KALRN: variants seen among roughly 807,000 people sequenced by gnomAD.
KALRN encodes kalirin.
A neutral mutation model predicts 353.7 loss-of-function variants in KALRN; 70 were observed. The observed-to-expected ratio is 0.20, with a 90% CI of 0.16 to 0.24. The LOEUF (loss-of-function observed/expected upper bound fraction) is 0.24. Ranked by LOEUF, KALRN falls within the 10% of genes least tolerant of loss-of-function variation. The pLI, the probability that KALRN is intolerant of heterozygous loss-of-function variation, is 1.00. For synonymous variants in KALRN, 1,391 were observed against 1,434.8 expected (o/e 0.97, Z 0.69); for missense variants, 2,791 against 3,756.7 (o/e 0.74, Z 6.72).
chr3:124,229,269 G>A (rs993539294), intron 2 of KALRN, among the ~76,000 whole-genome samples: 12 of 152,184 alleles, frequency 7.9e-5, no homozygotes, highest in Admixed American at 7.2e-4. Flanking sequence ...GCCAAAGACT[G>A]GCCAGAGCCC....
intron 33 of KALRN, among the ~76,000 whole-genome samples, chr3:124,531,738 T>A (rs1346098276): frequency 6.6e-6 from 1 of 152,192 alleles, no homozygotes; most frequent in East Asian, 1.9e-4. Context: ...AAGCCATTCA[T>A]GAGAAACACC....
intron 1 of KALRN, among the ~76,000 whole-genome samples, chr3:124,151,085 G>A (rs2068046560): frequency 1.3e-5 from 2 of 152,110 alleles, no homozygotes; most frequent in Non-Finnish European, 2.9e-5. Flanking sequence ...CCATCTTACT[G>A]TACAAGGTAT....
chr3:124,645,722 G>T (rs615408), intron 37 of KALRN, among the ~76,000 whole-genome samples: 35,492 of 151,260 alleles, frequency 0.23, 4,470 homozygotes, highest in East Asian at 0.47. Context: ...AACACTTAGG[G>T]GTTTCCATAG....
At chr3:124,136,983 T>G (rs984005140) in intron 1 of KALRN, among the ~76,000 whole-genome samples, 11 of 152,136 alleles carry the variant, frequency 7.2e-5, no homozygotes, top group African/African-American at 2.4e-4. Flanking sequence ...ACAGGGTTGA[T>G]GGGGCAGAGC....
At chr3:124,476,960 T>C (rs1024099167) in intron 26 of KALRN, among the ~76,000 whole-genome samples, 1 of 152,262 alleles carries the variant, frequency 6.6e-6, no homozygotes, top group Non-Finnish European at 1.5e-5. Flanking sequence ...AACTTCAGAA[T>C]ATATCAGGAT....
At chr3:124,284,766 A>G (rs145817923) in intron 5 of KALRN, among the ~76,000 whole-genome samples, 8 of 152,356 alleles carry the variant, frequency 5.3e-5, no homozygotes, top group Admixed American at 1.3e-4. Context: ...TTCAAGAAAC[A>G]GAAGACAGTA....
In KALRN at chr3:124,238,188, C is replaced by T. The variant is rs2080020481; in HGVS notation, c.263+3245C>T. On this transcript the variant is annotated intron_variant, in intron 3 of 59. Coordinates refer to ENST00000682506, the MANE Select transcript of KALRN (RefSeq NM_001388419.1). ...TTAAGGCACCCACAATCCATGTCTC[C>T]ACAGTTGAAGGAATGAGGGATGTTT... 1.3e-5 allele frequency among the ~76,000 whole-genome samples: 2 copies of T among 151,986 alleles called. 1 individual carries two copies. Among genetic ancestry groups the T allele is most frequent in the South Asian group, 4.2e-4 (2 of 4,812 alleles).
At chr3:124,503,722 C>G (rs555582926) in intron 33 of KALRN, among the ~76,000 whole-genome samples, 33 of 152,258 alleles carry the variant, frequency 2.2e-4, no homozygotes, top group African/African-American at 7.9e-4. Flanking sequence ...GTGGGCTTTT[C>G]AGAACAAGTT....
intron 3 of KALRN, among the ~76,000 whole-genome samples, chr3:124,251,668 T>A (rs777519497): frequency 5.3e-5 from 8 of 152,170 alleles, no homozygotes; most frequent in Non-Finnish European, 1.2e-4. Context: ...ACTGTCTTTG[T>A]TCTTTTTGAG....
rs1260677774 is a variant in KALRN, at chr3:124,227,978, G to A, written c.74-12G>A. On this transcript the variant is annotated splice_polypyrimidine_tract_variant and intron_variant, in intron 1 of 59. Transcript: ENST00000682506. ...CTCTCACCCTGATTCCTTCTGGTTT[G>A]TTGTCCCACAGGGTCTTTTCGGAAT... is the stretch of plus-strand genomic sequence containing the variant. The A allele has an allele frequency of 6.8e-6, 11 of 1,612,286 alleles. No homozygotes were observed. Among genetic ancestry groups the A allele is most frequent in the Non-Finnish European group, 9.3e-6 (11 of 1,178,458 alleles).
intron 34 of KALRN, among the ~76,000 whole-genome samples, chr3:124,590,039 T>C (rs530067168): frequency 3.9e-5 from 6 of 152,150 alleles, no homozygotes; most frequent in Admixed American, 6.5e-5. Context: ...TTTTTTAAAT[T>C]AAATGTCTCA....
At chr3:124,310,810 C>T (rs1003178980) in intron 6 of KALRN, among the ~76,000 whole-genome samples, 9 of 151,744 alleles carry the variant, frequency 5.9e-5, no homozygotes, top group African/African-American at 2.2e-4. Context: ...AAATGACAGT[C>T]AAGAGATGAA....
rs139149462 is a variant in KALRN, at chr3:124,658,452, G to A, written c.6058G>A (p.Val2020Met). The A allele has an allele frequency of 3.8e-5, 61 of 1,613,662 alleles. No individual in the cohort carries two copies. The highest frequency in any genetic ancestry group is 4.7e-5 in the Non-Finnish European group (55 of 1,179,676). Residue 2020 changes from valine to methionine, a missense_variant, in exon 42 of 60, where the codon GTG (valine) becomes ATG (methionine). Val to Met is a conservative substitution (Grantham distance 21). Transcript: ENST00000682506. ...TCAGGAGCGGAAGCTGCACATCTAC[G>A]TGTGGTATTGTCAGAATAAGCCGCG... ...IKHERKLHIY[V>M]WYCQNKPRSE...
In KALRN at chr3:124,334,410, G is replaced by A. The variant is rs1560594838; in HGVS notation, c.1562G>A (p.Arg521Gln). The change falls in exon 9 of 60, where the codon CGA becomes CAA. Residue 521 changes from arginine to glutamine, a missense_variant. Arg to Gln is a conservative substitution (Grantham distance 43). This residue lies in a region of KALRN where 366 missense variants were observed against 489.2 expected (regional missense o/e 0.75). Transcript: ENST00000682506. This position sits in a 1 kb window ranked among gnomAD's most constrained non-coding sequence, Gnocchi z 4.2. ...GTGCATGAGGTGTTACATCACCAGC[G>A]ACGGCTGGAGAGCATCTGGCAGCAC... Reference protein sequence around the residue: ...DVVHEVLHHQRRLESIWQHRK... With the variant: ...DVVHEVLHHQQRLESIWQHRK... 3 of 1,614,146 alleles carry A rather than the reference G, an allele frequency of 1.9e-6. No homozygotes were observed. Among genetic ancestry groups the A allele is most frequent in the Non-Finnish European group, 1.7e-6 (2 of 1,180,002 alleles).
At chr3:124,124,371 T>C (rs2064382499) in intron 1 of KALRN, among the ~76,000 whole-genome samples, 1 of 152,132 alleles carries the variant, frequency 6.6e-6, no homozygotes, top group African/African-American at 2.4e-5. Context: ...ATGATGAAAA[T>C]TGAATGGATG....
At chr3:124,431,016 T>G (rs1035438072) in intron 16 of KALRN, among the ~76,000 whole-genome samples, 2 of 152,244 alleles carry the variant, frequency 1.3e-5, no homozygotes, top group Admixed American at 6.5e-5. Context: ...GAATCTTTGT[T>G]ACCTATCAGT....
chr3:124,124,714 C>T (rs2064426541), intron 1 of KALRN, among the ~76,000 whole-genome samples: 1 of 152,218 alleles, frequency 6.6e-6, no homozygotes, highest in Non-Finnish European at 1.5e-5. Flanking sequence ...CAGCCATCCA[C>T]ATTGAGGCAA....
At chr3:124,315,643 C>T (rs1051038852) in intron 6 of KALRN, among the ~76,000 whole-genome samples, 3 of 151,834 alleles carry the variant, frequency 2.0e-5, no homozygotes, top group Non-Finnish European at 4.4e-5. Flanking sequence ...TGTTTGCCCC[C>T]GAGACCTGTA....
chr3:124,642,808 T>TGTTTTTTTTTTGTTGTTTTTG (rs796191820), intron 37 of KALRN, among the ~76,000 whole-genome samples: 1 of 126,848 alleles, frequency 7.9e-6, no homozygotes, highest in African/African-American at 3.4e-5. Flanking sequence ...CAAGCCTCGT[T>TGTTTTTTTTTTGTTGTTTTTG]TTTTTTTTTT....
Sources: allele counts gnomAD v4.1 joint callset (sites outside exome capture counted in the v4.1 genomes callset), GRCh38; gene constraint gnomAD v4.1.1; regional missense constraint gnomAD v4.1.1; non-coding constraint Gnocchi (gnomAD v3.1); transcripts MANE v1.5; gene names NCBI Gene and HGNC (gene_info 2026-07-23, HGNC 2026-07-21).